DCBLD2: variants seen among roughly 807,000 people sequenced by gnomAD.
DCBLD2 encodes the protein discoidin, CUB and LCCL domain containing 2, also known as discoidin, CUB and LCCL domain-containing protein 2.
In DCBLD2, 54 loss-of-function variants were observed where a neutral mutation model predicts 86.8. The ratio of observed to expected loss-of-function variants is 0.62; its 90% CI spans 0.50 to 0.78. The LOEUF is 0.78. Ranked by LOEUF, DCBLD2 falls within the 30% of genes least tolerant of loss-of-function variation. DCBLD2 has a pLI of 0.00. For missense variants in DCBLD2, 908 were observed against 954.2 expected (o/e 0.95, Z 0.64); for synonymous variants, 354 against 341.3 (o/e 1.04, Z -0.41).
intron 1 of DCBLD2, among the ~76,000 whole-genome samples, chr3:98,899,417 A>T (rs559102881): frequency 6.6e-6 from 1 of 151,964 alleles, no homozygotes; most frequent in East Asian, 1.9e-4. Context: ...ATGCCCGGCT[A>T]ATTTTTTGTA....
chr3:98,811,399 A>C lies in DCBLD2; in HGVS notation c.1450+69T>G, dbSNP rs940673997. ...CATAAACTTATTTGATAATGCTTTT[A>C]ATATATTTTTGGAAAGTTGCACCAT... On this transcript the variant is annotated intron_variant, in intron 11 of 15. Coordinates refer to ENST00000326840, the MANE Select transcript of DCBLD2 (RefSeq NM_080927.4). 5.0e-5 allele frequency: 81 copies of C among 1,612,038 alleles called. 1 individual carries two copies. Among genetic ancestry groups the C allele is most frequent in the South Asian group, 4.3e-4 (39 of 90,974 alleles).
At chr3:98,871,779 C>A (rs770955267) in intron 2 of DCBLD2, among the ~76,000 whole-genome samples, 13 of 152,204 alleles carry the variant, frequency 8.5e-5, no homozygotes, top group Non-Finnish European at 1.6e-4. Flanking sequence ...TAGGGTGATA[C>A]CGGGTTCATA....
chr3:98,821,758 C>T (rs926568928), intron 6 of DCBLD2, among the ~76,000 whole-genome samples: 6 of 152,028 alleles, frequency 3.9e-5, no homozygotes, highest in African/African-American at 1.4e-4. Context: ...TCAAAATATG[C>T]AGACACTGGC....
intron 6 of DCBLD2, 109 bp downstream of exon 6, chr3:98,822,119 G>T: frequency 7.7e-7 from 1 of 1,307,118 alleles, no homozygotes; most frequent in Non-Finnish European, 1.1e-6. Context: ...GTTCTTTCAT[G>T]AACACCATTA....
intron 3 of DCBLD2, among the ~76,000 whole-genome samples, chr3:98,839,254 CCT>C (rs1408986943): frequency 6.9e-6 from 1 of 145,196 alleles, no homozygotes; most frequent in African/African-American, 2.6e-5. Flanking sequence ...TTTCTTTCTT[CCT>C]CTTTCTTTCT....
intron 3 of DCBLD2, among the ~76,000 whole-genome samples, chr3:98,839,070 G>A (rs547041380): frequency 6.6e-6 from 1 of 152,142 alleles, no homozygotes; most frequent in East Asian, 1.9e-4. Flanking sequence ...GGATCCTGTT[G>A]ATCTGTGACC....
At chr3:98,870,761 GAA>G (rs767396151) in intron 2 of DCBLD2, among the ~76,000 whole-genome samples, 139 of 125,338 alleles carry the variant, frequency 1.1e-3, no homozygotes, top group Middle Eastern at 4.1e-3. Flanking sequence ...AAGAAAGAAA[GAA>G]AGAAAGAAAG....
intron 3 of DCBLD2, among the ~76,000 whole-genome samples, chr3:98,839,179 T>TCTTTC (rs1559781604): frequency 8.8e-6 from 1 of 113,164 alleles, no homozygotes; most frequent in Non-Finnish European, 1.8e-5. Context: ...TTCCTTTCTT[T>TCTTTC]CTTCCTTCCT....
intron 2 of DCBLD2, among the ~76,000 whole-genome samples, chr3:98,852,703 T>C (rs1014391462): frequency 6.6e-6 from 1 of 152,168 alleles, no homozygotes; most frequent in African/African-American, 2.4e-5. Flanking sequence ...GAATTGGAAA[T>C]AAGAGAGACA....
At chr3:98,881,314 T>C (rs1490859687) in intron 2 of DCBLD2, among the ~76,000 whole-genome samples, 2 of 150,610 alleles carry the variant, frequency 1.3e-5, no homozygotes, top group Non-Finnish European at 3.0e-5. Flanking sequence ...AGTAGTACAG[T>C]GGCATCTTGG....
chr3:98,822,861 C>A lies in DCBLD2; in HGVS notation c.624-120G>T. The A allele has an allele frequency of 5.4e-6, 4 of 744,524 alleles. 1 individual carries two copies. In the South Asian group the frequency reaches 9.7e-5, roughly 18 times the overall value. 46.1% of individuals were successfully genotyped at this position (744,524 alleles called of 1,614,324 possible). A position where few individuals can be genotyped will look rare whatever the true frequency, so the allele number is the denominator to read the frequency against. On this transcript the variant is annotated intron_variant, in intron 4 of 15. Transcript: ENST00000326840. ...CAAGGTGAATACCATAATTTCACTA[C>A]CCTCAAAGACCCACCACTTCTTTTT...
rs746161241 is a variant in DCBLD2, at chr3:98,800,607, G to A, written c.1830C>T (p.Val610=). 6.8e-6 allele frequency: 11 copies of A among 1,613,764 alleles called. No individual in the cohort carries two copies. In the African/African-American group the frequency reaches 1.3e-4, roughly 20 times the overall value. Residue 610 remains valine, a synonymous_variant, in exon 15 of 16, where the codon GTC becomes GTT. Coordinates refer to ENST00000326840, the MANE Select transcript of DCBLD2 (RefSeq NM_080927.4). ...SEVNHLSPRE[V]TTVLQADSAE... ...CAGAGTCAGCCTGCAGCACTGTGGTGACTTCTCTTGGACTCAGGTGATTAA... is the reference window on the plus strand; with the variant it reads ...CAGAGTCAGCCTGCAGCACTGTGGTAACTTCTCTTGGACTCAGGTGATTAA...
intron 8 of DCBLD2, 38 bp downstream of exon 8, chr3:98,819,164 G>T (rs1350689521): frequency 1.3e-6 from 2 of 1,510,034 alleles, no homozygotes; most frequent in African/African-American, 1.4e-5. Context: ...AATAAAATAA[G>T]TGTTACAAAT....
intron 3 of DCBLD2, 113 bp from the exon 4 acceptor site, chr3:98,825,479 T>A (rs115286465): frequency 0.016 from 12,195 of 765,672 alleles, 146 homozygotes; most frequent in Middle Eastern, 0.037. Flanking sequence ...AAAATCTCAA[T>A]GGCACTGTCA....
In DCBLD2 at chr3:98,881,573, A is replaced by G. The variant is rs747716152; in HGVS notation, c.400T>C (p.Tyr134His). Residue 134 changes from tyrosine (Y) to histidine (H), a missense_variant, in exon 2 of 16, where the codon TAT becomes CAT. Around this residue, in one of 3 missense-constraint regions of DCBLD2, gnomAD observed 294 missense variants for 256.0 expected, o/e 1.15. Transcript: ENST00000326840. The stretch of plus-strand genomic sequence containing the variant: ...GTTCTGCTGACTCCAATTCCATTAT[A>G]AATTCTCAAGTAATTAAAGTGACAA... ...DSCHFNYLRI[Y>H]NGIGVSRTEI... 6.2e-7 allele frequency: 1 copy of G among 1,613,958 alleles called. No individual in the cohort carries two copies. Among genetic ancestry groups the G allele is most frequent in the South Asian group, 1.1e-5 (1 of 91,078 alleles).
At chr3:98,800,220 T>C (rs1941692462) in intron 15 of DCBLD2, among the ~76,000 whole-genome samples, 1 of 152,224 alleles carries the variant, frequency 6.6e-6, no homozygotes, top group Admixed American at 6.5e-5. Flanking sequence ...GAGATTTTTT[T>C]CAAATATTAG....
intron 2 of DCBLD2, among the ~76,000 whole-genome samples, chr3:98,869,595 A>G (rs1191113781): frequency 6.6e-6 from 1 of 152,222 alleles, no homozygotes; most frequent in Non-Finnish European, 1.5e-5. Flanking sequence ...TGTTTTCAAA[A>G]AAAGGTGTGG....
chr3:98,858,845 T>C (rs1294818342), intron 2 of DCBLD2, among the ~76,000 whole-genome samples: 3 of 152,162 alleles, frequency 2.0e-5, no homozygotes, highest in Non-Finnish European at 4.4e-5. Flanking sequence ...GATGGCCGAA[T>C]AGGAACAGCT....
intron 2 of DCBLD2, 143 bp from the exon 3 acceptor site, chr3:98,849,741 C>G: frequency 5.4e-6 from 5 of 930,378 alleles, no homozygotes; most frequent in African/African-American, 1.7e-5. Flanking sequence ...TTAATGATTA[C>G]CAATCATATT....
Sources: allele counts gnomAD v4.1 joint callset (sites outside exome capture counted in the v4.1 genomes callset), GRCh38; gene constraint gnomAD v4.1.1; regional missense constraint gnomAD v4.1.1; transcripts MANE v1.5; gene names NCBI Gene and HGNC (gene_info 2026-07-23, HGNC 2026-07-21).